Variants in RNF157 observed in about 807,000 individuals in gnomAD.
The protein encoded by RNF157 is E3 ubiquitin ligase RNF157.
Under a neutral mutation model 88.3 loss-of-function variants are expected in RNF157, and 55 were observed. The observed-to-expected ratio is 0.62, with a 90% confidence interval of 0.50 to 0.78. The LOEUF (loss-of-function observed/expected upper bound fraction) is 0.78. Among genes scored for constraint, RNF157 ranks in the 30% least tolerant of loss-of-function variants. The pLI, the probability that RNF157 is intolerant of heterozygous loss-of-function variation, is 0.00. For synonymous variants in RNF157, 334 were observed against 341.2 expected, an observed-to-expected ratio of 0.98 and a Z score of 0.23; for missense variants, 788 against 860.8, an observed-to-expected ratio of 0.92 and a Z score of 1.06.
chr17:76,212,661 A>G (rs748220343), intron 1 of RNF157, among the ~76,000 whole-genome samples, 179 bp from the exon 2 acceptor site: 23 of 152,188 alleles, frequency 1.5e-4, no homozygotes, highest in Admixed American at 6.5e-5. Flanking sequence ...AAGGAGTTCG[A>G]GACCAGCCTG....
At chr17:76,226,302 C>A in intron 1 of RNF157, 2 of 1,608,300 alleles carry the variant, frequency 1.2e-6, no homozygotes, top group South Asian at 2.2e-5. Context: ...GAGGACTGGA[C>A]CCCTGGGGAA....
intron 5 of RNF157, 63 bp downstream of exon 5, chr17:76,166,946 G>A: frequency 8.9e-7 from 1 of 1,128,774 alleles, no homozygotes; most frequent in Non-Finnish European, 1.3e-6. Flanking sequence ...GTCAGACCGA[G>A]TCCTAAGTAG....
At position 76,144,914 on chromosome 17, in the gene RNF157, C is replaced by T. The variant is rs534874832; in HGVS notation, c.*321G>A. 1 of 248,742 alleles carries T rather than the reference C, an allele frequency of 4.0e-6. No homozygotes were observed. Among genetic ancestry groups the T allele is most frequent in the South Asian group, 1.2e-4 (1 of 8,222 alleles). The allele number at this position is 248,742 out of a possible 1,614,324, so 15.4% of individuals were successfully genotyped here. A position where few individuals can be genotyped will look rare whatever the true frequency, so the allele number is the denominator to read the frequency against. ...CAAACTCTAAGCCTTCTTGTTCTACCCCCTAAGGAGAAAAAAGATGTGTAA... is the reference window on the plus strand; with the variant it reads ...CAAACTCTAAGCCTTCTTGTTCTACTCCCTAAGGAGAAAAAAGATGTGTAA... On this transcript the variant is annotated 3_prime_UTR_variant, in exon 19 of 19. Coordinates refer to ENST00000269391, the MANE Select transcript of RNF157 (RefSeq NM_052916.3).
rs2289603 is a variant in RNF157, at chr17:76,167,740, G to C, written c.354C>G (p.Tyr118Ter). Residue 118 changes from tyrosine (Y) to a stop codon, truncating the protein, a stop_gained, in exon 4 of 19, where the codon TAC becomes TAG. Transcript: ENST00000269391. LOFTEE classifies it high-confidence loss of function. ...CTGTGTCAAAGGTGAACTCAACATTGTAGTGGACTTTAGCTTTACTGGCCT... is the reference window on the plus strand; with the variant it reads ...CTGTGTCAAAGGTGAACTCAACATTCTAGTGGACTTTAGCTTTACTGGCCT... Reference protein sequence around the residue: ...GEEASKAKVHYNVEFTFDTDA... With the variant: ...GEEASKAKVH The C allele has an allele frequency of 6.8e-6, 11 of 1,613,962 alleles. No homozygotes were observed. The highest frequency in any genetic ancestry group is 9.3e-6 in the Non-Finnish European group (11 of 1,179,930).
intron 2 of RNF157, among the ~76,000 whole-genome samples, chr17:76,182,046 T>C (rs2069197683): frequency 6.6e-6 from 1 of 152,088 alleles, no homozygotes; most frequent in Non-Finnish European, 1.5e-5. Flanking sequence ...AGCAAACCTC[T>C]CTTAGTTCCA....
chr17:76,208,583 A>G (rs933404732), intron 2 of RNF157, among the ~76,000 whole-genome samples: 21 of 152,256 alleles, frequency 1.4e-4, no homozygotes, highest in African/African-American at 4.8e-4. Flanking sequence ...TGGGGAAAAG[A>G]AAAAGAGAAA....
chr17:76,155,807 G>T, intron 14 of RNF157, 73 bp from the exon 15 acceptor site: 1 of 1,289,472 alleles, frequency 7.8e-7, no homozygotes, highest in Non-Finnish European at 1.0e-6. Context: ...GGGGAGCAGA[G>T]CCCTCTCCCT....
At position 76,143,038 on chromosome 17, in the gene RNF157, G is replaced by C. The variant is rs2068537316; in HGVS notation, c.*2197C>G. On this transcript the variant is annotated 3_prime_UTR_variant, in exon 19 of 19. Coordinates refer to ENST00000269391, the MANE Select transcript of RNF157 (RefSeq NM_052916.3). ...TTGGCCACTGACCTGTCCTCATCAGGCTGACTGAGGACCAGCTCCTTGGAT... is the reference window on the plus strand; with the variant it reads ...TTGGCCACTGACCTGTCCTCATCAGCCTGACTGAGGACCAGCTCCTTGGAT... 1 of 152,266 alleles carries C rather than the reference G, an allele frequency of 6.6e-6. No individual in the cohort carries two copies. Among genetic ancestry groups the C allele is most frequent in the African/African-American group, 2.4e-5 (1 of 41,440 alleles). 9.4% of individuals were successfully genotyped at this position (152,266 alleles called of 1,614,324 possible).
chr17:76,156,178 G>C (rs767554386), intron 14 of RNF157, 32 bp downstream of exon 14: 1 of 1,528,082 alleles, frequency 6.5e-7, no homozygotes, highest in South Asian at 1.1e-5. Flanking sequence ...TAAGGGGGAA[G>C]GACATGCAGC....
intron 2 of RNF157, among the ~76,000 whole-genome samples, chr17:76,177,958 C>T (rs1276252562): frequency 6.6e-6 from 1 of 152,204 alleles, no homozygotes; most frequent in Admixed American, 6.5e-5. Flanking sequence ...GACACCCTGG[C>T]TGCGGAAAGA....
chr17:76,226,002 C>A (rs2070077388), intron 1 of RNF157: 1 of 1,611,182 alleles, frequency 6.2e-7, no homozygotes, highest in Non-Finnish European at 8.5e-7. Flanking sequence ...TTTGCTGCTA[C>A]CATCTTCTCT....
At chr17:76,238,688 C>A (rs2070323074) in intron 1 of RNF157, among the ~76,000 whole-genome samples, 1 of 152,176 alleles carries the variant, frequency 6.6e-6, no homozygotes, top group Non-Finnish European at 1.5e-5. Flanking sequence ...TTAAGAAAAA[C>A]AGAGCCCACA....
At chr17:76,182,909 T>A (rs1486139172) in intron 2 of RNF157, among the ~76,000 whole-genome samples, 1 of 149,868 alleles carries the variant, frequency 6.7e-6, no homozygotes, top group Non-Finnish European at 1.5e-5. Context: ...TTACCATCAA[T>A]TCTCAGGTAA....
intron 1 of RNF157, among the ~76,000 whole-genome samples, chr17:76,219,908 C>A (rs2069951840): frequency 6.6e-6 from 1 of 151,852 alleles, no homozygotes; most frequent in South Asian, 2.1e-4. Flanking sequence ...TTTTATCATA[C>A]CTAGCGTATT....
intron 2 of RNF157, among the ~76,000 whole-genome samples, chr17:76,178,615 A>G (rs2144897941): frequency 6.6e-6 from 1 of 152,352 alleles, no homozygotes; most frequent in Admixed American, 6.5e-5. Flanking sequence ...TTCCAGCCAG[A>G]AAAGTGACAC....
intron 2 of RNF157, among the ~76,000 whole-genome samples, chr17:76,210,600 A>AAAAAAAT (rs1224768781): frequency 1.3e-5 from 2 of 150,348 alleles, no homozygotes; most frequent in Non-Finnish European, 3.0e-5. Context: ...AAAAAAAAAA[A>AAAAAAAT]AAAAGAAAGA....
At chr17:76,166,562 G>A (rs1256050391) in intron 5 of RNF157, 35 bp from the exon 6 acceptor site, 1 of 1,557,544 alleles carries the variant, frequency 6.4e-7, no homozygotes, top group African/African-American at 1.4e-5. Context: ...AAAAAAAAGA[G>A]GACTTAACAC....
At chr17:76,179,353 C>T (rs571501413) in intron 2 of RNF157, among the ~76,000 whole-genome samples, 2 of 152,100 alleles carry the variant, frequency 1.3e-5, no homozygotes, top group Admixed American at 1.3e-4. Flanking sequence ...ATGATAGCAT[C>T]ACTGCACTCC....
In RNF157 at chr17:76,171,167, C is replaced by T. The variant is rs548319307; in HGVS notation, c.296+2535G>A. On this transcript the variant is annotated intron_variant, in intron 3 of 18. Transcript: ENST00000269391. ...TTGGCCTCCCAAAGTGCTGGGATTA[C>T]AGGCATGAGCCACTGCACCGGGCCT... 3.2e-3 allele frequency among the ~76,000 whole-genome samples: 478 copies of T among 151,518 alleles called. 5 individuals are homozygous for T. The highest frequency in any genetic ancestry group is 1.5e-3 in the Non-Finnish European group (99 of 67,942).
Sources: allele counts gnomAD v4.1 joint callset (sites outside exome capture counted in the v4.1 genomes callset), GRCh38; gene constraint gnomAD v4.1.1; transcripts MANE v1.5; gene names NCBI Gene and HGNC (gene_info 2026-07-23, HGNC 2026-07-21).